WWOX: variants seen among roughly 807,000 people sequenced by gnomAD.
The protein encoded by WWOX is WW domain containing oxidoreductase.
In WWOX, 69 loss-of-function variants were observed where a neutral mutation model predicts 46.2. The ratio of observed to expected loss-of-function variants is 1.49; its 90% CI spans 1.23 to 1.82. WWOX has a LOEUF of 1.82. WWOX is among the 40% of genes most tolerant of loss of function. The probability of loss-of-function intolerance (pLI) is 0.00; values close to 1 mark genes in which losing one functional copy is unlikely to be tolerated. For missense variants in WWOX, 919 were observed against 542.6 expected, an observed-to-expected ratio of 1.69 and a Z score of -6.89; for synonymous variants, 359 against 202.6, an observed-to-expected ratio of 1.77 and a Z score of -6.56.
chr16:78,505,568 A>C (rs1567611256), intron 8 of WWOX, among the ~76,000 whole-genome samples: 1 of 152,168 alleles, frequency 6.6e-6, no homozygotes, highest in South Asian at 2.1e-4. Flanking sequence ...GCTGGGCTAC[A>C]GCGCCCAGTG....
At chr16:78,237,200 G>A (rs11639501) in intron 5 of WWOX, among the ~76,000 whole-genome samples, 47,631 of 151,910 alleles carry the variant, frequency 0.31, 7,791 homozygotes, top group African/African-American at 0.37. Context: ...TTTTGTTGAT[G>A]TCATTCAGAT....
At chr16:78,823,068 G>T (rs1298142431) in intron 8 of WWOX, among the ~76,000 whole-genome samples, 1 of 152,214 alleles carries the variant, frequency 6.6e-6, no homozygotes, top group Non-Finnish European at 1.5e-5. Context: ...ATGCTTTGAA[G>T]TTTGAATACA....
chr16:79,129,941 C>G (rs1475705202), intron 8 of WWOX, among the ~76,000 whole-genome samples: 1 of 152,142 alleles, frequency 6.6e-6, no homozygotes, highest in Non-Finnish European at 1.5e-5. Flanking sequence ...GGTCCCTTTA[C>G]CACTTTGCCA....
intron 8 of WWOX, among the ~76,000 whole-genome samples, chr16:78,640,413 CA>C (rs1198026837): frequency 1.3e-5 from 2 of 152,050 alleles, no homozygotes; most frequent in African/African-American, 2.4e-5. Flanking sequence ...AGGAAGGGCA[CA>C]GGGGCAAGGT....
chr16:78,620,315 G>A (rs1191597239), intron 8 of WWOX, among the ~76,000 whole-genome samples: 2 of 152,216 alleles, frequency 1.3e-5, no homozygotes, highest in Admixed American at 6.5e-5. Context: ...CCTGCTGAAT[G>A]TCTGTATAGA....
intron 8 of WWOX, among the ~76,000 whole-genome samples, chr16:78,992,432 A>C (rs917850487): frequency 6.6e-6 from 1 of 152,146 alleles, no homozygotes; most frequent in Non-Finnish European, 1.5e-5. Flanking sequence ...GCGCCTCTGC[A>C]CTCCAGCCTG....
Position 78,360,135 on chromosome 16 carries a change from C to G in WWOX, c.517-26725C>G, listed in dbSNP as rs187076468. Among the ~76,000 whole-genome samples the G allele has an allele frequency of 1.1e-3, 166 of 152,292 alleles. 2 individuals are homozygous for G. The highest frequency in any genetic ancestry group is 3.5e-3 in the African/African-American group (147 of 41,572). On this transcript the variant is annotated intron_variant, in intron 5 of 8. Coordinates refer to ENST00000566780, the MANE Select transcript of WWOX (RefSeq NM_016373.4). The stretch of plus-strand genomic sequence containing the variant: ...AAACAACGACAAAAATCAACAAAAA[C>G]TAACACTATTCCCCCATCAACAATC...
At chr16:78,631,829 A>G (rs2046439260) in intron 8 of WWOX, among the ~76,000 whole-genome samples, 1 of 152,114 alleles carries the variant, frequency 6.6e-6, no homozygotes, top group African/African-American at 2.4e-5. Context: ...CCCAGCCAAA[A>G]TATTCTTTTC....
At chr16:78,730,104 A>G (rs371801177) in intron 8 of WWOX, among the ~76,000 whole-genome samples, 48 of 152,268 alleles carry the variant, frequency 3.2e-4, no homozygotes, top group African/African-American at 1.1e-3. Flanking sequence ...ACTCCTTGCT[A>G]TAAACGCTTA....
chr16:78,981,731 G>C (rs1458513140), intron 8 of WWOX: 1 of 152,222 alleles, frequency 6.6e-6, no homozygotes, highest in East Asian at 1.9e-4. Flanking sequence ...CCAGCTTGGA[G>C]CATCTTAATT....
At chr16:78,755,242 A>G (rs1329427269) in intron 8 of WWOX, among the ~76,000 whole-genome samples, 1 of 152,086 alleles carries the variant, frequency 6.6e-6, no homozygotes, top group Non-Finnish European at 1.5e-5. Flanking sequence ...ATCAAAAAAA[A>G]AAAAAGAAAA....
intron 8 of WWOX, among the ~76,000 whole-genome samples, chr16:78,511,102 T>A (rs1055189855): frequency 3.3e-5 from 5 of 152,218 alleles, no homozygotes; most frequent in African/African-American, 1.2e-4. Context: ...AAGTCCTTTA[T>A]GATTAGCAAA....
intron 8 of WWOX, among the ~76,000 whole-genome samples, 170 bp downstream of exon 8, chr16:78,432,922 C>G (rs901966955): frequency 6.6e-6 from 1 of 152,136 alleles, no homozygotes; most frequent in African/African-American, 2.4e-5. Context: ...TAGGTTAAGT[C>G]TGTTTGGGTA....
chr16:78,640,283 G>T (rs994347377), intron 8 of WWOX, among the ~76,000 whole-genome samples: 2 of 124,426 alleles, frequency 1.6e-5, no homozygotes, highest in African/African-American at 6.0e-5. Context: ...GACTTTTAGC[G>T]AATGGATACT....
intron 8 of WWOX, among the ~76,000 whole-genome samples, chr16:78,881,903 A>G (rs371320158): frequency 3.9e-5 from 6 of 152,268 alleles, no homozygotes; most frequent in African/African-American, 1.4e-4. Context: ...TAGGTGGATC[A>G]CTTGAGGTCA....
chr16:78,991,221 G>C (rs79022547), intron 8 of WWOX, among the ~76,000 whole-genome samples: 15,749 of 152,172 alleles, frequency 0.1, 903 homozygotes, highest in East Asian at 0.19. Flanking sequence ...GAGTCACCCT[G>C]AACTATTTCT....
intron 5 of WWOX, chr16:78,168,118 G>A (rs2035035758): frequency 6.6e-6 from 1 of 152,190 alleles, no homozygotes; most frequent in African/African-American, 2.4e-5. Context: ...TCATTCAGAA[G>A]TCTTTGGGCC....
At chr16:79,152,098 G>T (rs1396773947) in intron 8 of WWOX, among the ~76,000 whole-genome samples, 1 of 152,174 alleles carries the variant, frequency 6.6e-6, no homozygotes, top group East Asian at 1.9e-4. Flanking sequence ...CTATTGAGAA[G>T]TTTATCCTCT....
At chr16:78,539,201 A>G (rs971940665) in intron 8 of WWOX, among the ~76,000 whole-genome samples, 62 of 152,354 alleles carry the variant, frequency 4.1e-4, no homozygotes, top group African/African-American at 1.3e-3. Context: ...TAATTGCTCA[A>G]TAAATATGTG....
Sources: allele counts gnomAD v4.1 joint callset (sites outside exome capture counted in the v4.1 genomes callset), GRCh38; gene constraint gnomAD v4.1.1; transcripts MANE v1.5; gene names NCBI Gene and HGNC (gene_info 2026-07-23, HGNC 2026-07-21).